NHS: variants seen among roughly 807,000 people sequenced by gnomAD.
The protein encoded by NHS is NHS actin remodeling regulator.
NHS carries 5 observed loss-of-function variants against 72.5 expected under a neutral mutation model. The observed-to-expected ratio is 0.07, with a 90% CI of 0.04 to 0.14. NHS has a LOEUF of 0.14. Ranked by LOEUF, NHS falls within the 10% of genes least tolerant of loss-of-function variation. NHS has a pLI of 1.00. For synonymous variants in NHS, 464 were observed against 547.7 expected (o/e 0.85, Z 2.13); for missense variants, 1,072 against 1,355.7 (o/e 0.79, Z 3.29).
At chrX:17,625,268 G>A (rs959271731) in intron 1 of NHS, among the ~76,000 whole-genome samples, 2 of 111,211 alleles carry the variant, frequency 1.8e-5, no homozygotes, top group African/African-American at 6.5e-5. Context: ...ATCTGGTATG[G>A]TATCACATGT....
In NHS at chrX:17,376,188, G is replaced by A. The variant is rs752357697; in HGVS notation, c.431G>A (p.Arg144Gln). ...RVLRQLSDVARHACSLFQELE... is the reference protein window; with the variant it reads ...RVLRQLSDVAQHACSLFQELE... ...CTCCGGCAGCTCTCGGACGTGGCCC[G>A]GCACGCTTGCAGCCTCTTCCAGGAG... Residue 144 changes from arginine to glutamine, a missense_variant, in exon 1 of 9, where the codon CGG becomes CAG. Physicochemically the swap from Arg to Gln is conservative, Grantham distance 43. Coordinates refer to ENST00000676302, the MANE Select transcript of NHS (RefSeq NM_001291867.2). 8.4e-7 allele frequency: 1 copy of A among 1,190,555 alleles called. No individual in the cohort carries two copies. The highest frequency in any genetic ancestry group is 2.2e-5 in the Admixed American group (1 of 45,351).
chrX:17,489,644 C>T (rs1199094044), intron 1 of NHS, among the ~76,000 whole-genome samples: 2 of 111,721 alleles, frequency 1.8e-5, no homozygotes, highest in South Asian at 7.6e-4. Flanking sequence ...CACACCGCCA[C>T]GCCCAGCTAA....
intron 1 of NHS, among the ~76,000 whole-genome samples, chrX:17,506,575 A>G (rs772610396): frequency 8.1e-5 from 9 of 110,742 alleles, no homozygotes; most frequent in African/African-American, 2.9e-4. Flanking sequence ...ATAAGTAAAT[A>G]AATTCAGGTG....
intron 1 of NHS, among the ~76,000 whole-genome samples, chrX:17,538,310 CAT>C (rs1276356409): frequency 9.0e-6 from 1 of 111,721 alleles, no homozygotes; most frequent in African/African-American, 3.3e-5. Context: ...GCAGACATGA[CAT>C]GAGGAATGGA....
At chrX:17,561,619 C>T (rs941017274) in intron 1 of NHS, among the ~76,000 whole-genome samples, 6 of 98,978 alleles carry the variant, frequency 6.1e-5, no homozygotes, top group East Asian at 6.9e-4. Context: ...CACACACACA[C>T]ATCATGCCTT....
intron 1 of NHS, among the ~76,000 whole-genome samples, chrX:17,598,539 T>C (rs1394488247): frequency 9.0e-6 from 1 of 111,694 alleles, no homozygotes; most frequent in Non-Finnish European, 1.9e-5. Flanking sequence ...ATTAACCTAT[T>C]AGATTGTCAC....
intron 1 of NHS, among the ~76,000 whole-genome samples, chrX:17,379,988 G>C (rs978735164): frequency 9.0e-6 from 1 of 111,610 alleles, no homozygotes; most frequent in Non-Finnish European, 1.9e-5. Flanking sequence ...AGACCTAAGC[G>C]TAGAGACAGT....
intron 1 of NHS, among the ~76,000 whole-genome samples, chrX:17,682,770 TC>T (rs991838461): frequency 9.1e-6 from 1 of 110,455 alleles, no homozygotes; most frequent in African/African-American, 3.3e-5. Flanking sequence ...TTTGCACTGC[TC>T]CCGGGGGCAT....
At chrX:17,474,994 A>G (rs959211482) in intron 1 of NHS, among the ~76,000 whole-genome samples, 7 of 111,599 alleles carry the variant, frequency 6.3e-5, no homozygotes, top group African/African-American at 2.0e-4. Flanking sequence ...GTCTTCTTGC[A>G]TTCCTCTCCT....
intron 1 of NHS, among the ~76,000 whole-genome samples, chrX:17,430,261 T>C (rs1329601833): frequency 6.3e-4 from 8 of 12,719 alleles, no homozygotes; most frequent in Non-Finnish European, 1.2e-3. Context: ...CTCTTTCTTT[T>C]TCTTTCTTTC....
intron 1 of NHS, among the ~76,000 whole-genome samples, chrX:17,469,766 A>T (rs1372480786): frequency 9.0e-6 from 1 of 111,313 alleles, no homozygotes; most frequent in Non-Finnish European, 1.9e-5. Flanking sequence ...TCAGCCTGCC[A>T]AGTAGCTGGG....
At chrX:17,713,338 G>A (rs1434273567) in intron 3 of NHS, among the ~76,000 whole-genome samples, 2 of 111,950 alleles carry the variant, frequency 1.8e-5, no homozygotes, top group African/African-American at 6.5e-5. Context: ...GAAAATAAAA[G>A]CCCATATCAC....
At chrX:17,688,330 C>A (rs1392530980) in intron 2 of NHS, among the ~76,000 whole-genome samples, 1 of 111,396 alleles carries the variant, frequency 9.0e-6, no homozygotes, top group East Asian at 2.8e-4. Flanking sequence ...AAAATAAATA[C>A]TTTGGATTAG....
chrX:17,662,247 T>C (rs986035515), intron 1 of NHS, among the ~76,000 whole-genome samples: 3 of 111,882 alleles, frequency 2.7e-5, no homozygotes, highest in Non-Finnish European at 3.8e-5. Context: ...TGAGAAGACA[T>C]GACAAGCACT....
At chrX:17,391,065 G>T (rs953500757) in intron 1 of NHS, among the ~76,000 whole-genome samples, 6 of 111,616 alleles carry the variant, frequency 5.4e-5, no homozygotes, top group Admixed American at 9.5e-5. Flanking sequence ...CAAACAAACA[G>T]ACAGACAGAC....
At chrX:17,712,288 T>TACAC (rs1398803769) in intron 3 of NHS, among the ~76,000 whole-genome samples, 13 of 74,135 alleles carry the variant, frequency 1.8e-4, no homozygotes, top group Non-Finnish European at 2.7e-4. Context: ...TATATATATA[T>TACAC]ATACACACAC....
intron 1 of NHS, among the ~76,000 whole-genome samples, chrX:17,532,469 A>G (rs1298727784): frequency 8.9e-6 from 1 of 111,750 alleles, no homozygotes; most frequent in Non-Finnish European, 1.9e-5. Flanking sequence ...AACAGTATGG[A>G]CGATGGCACC....
chrX:17,423,909 G>T (rs756226194), intron 1 of NHS, among the ~76,000 whole-genome samples: 2 of 112,476 alleles, frequency 1.8e-5, no homozygotes, highest in Non-Finnish European at 3.8e-5. Flanking sequence ...CAAAGTGCTG[G>T]CATGGTAGGT....
chrX:17,402,926 G>A (rs1357324493), intron 1 of NHS, among the ~76,000 whole-genome samples: 4 of 111,968 alleles, frequency 3.6e-5, no homozygotes, highest in Non-Finnish European at 7.5e-5. Context: ...AGTCATATTA[G>A]GCTAGCTACT....
Sources: gnomAD v4.1 joint callset for allele counts (sites outside exome capture counted in the v4.1 genomes callset) on GRCh38, gnomAD v4.1.1 for gene constraint, MANE v1.5 for transcripts, NCBI Gene and HGNC (gene_info 2026-07-23, HGNC 2026-07-21) for gene names.